The following MACROD2 variants were observed in gnomAD, a reference collection of about 807,000 sequenced individuals.
MACROD2 encodes ADP-ribose glycohydrolase MACROD2.
MACROD2 carries 36 observed loss-of-function variants against 70.4 expected under a neutral mutation model. The ratio of observed to expected loss-of-function variants is 0.51; its 90% CI spans 0.39 to 0.68. MACROD2 has a LOEUF of 0.68. Ranked by LOEUF, MACROD2 falls within the 30% of genes least tolerant of loss-of-function variation. The pLI, the probability that MACROD2 is intolerant of heterozygous loss-of-function variation, is 0.00. For missense variants in MACROD2, 496 were observed against 538.4 expected (o/e 0.92, Z 0.78); for synonymous variants, 172 against 178.8 (o/e 0.96, Z 0.30).
chr20:14,459,215 T>C (rs1015717309), intron 3 of MACROD2, among the ~76,000 whole-genome samples: 2 of 151,950 alleles, frequency 1.3e-5, no homozygotes, highest in African/African-American at 2.4e-5. Flanking sequence ...TTGATGTGAT[T>C]ACTTAGGGGC....
intron 4 of MACROD2, among the ~76,000 whole-genome samples, chr20:14,554,792 A>C (rs1386349148): frequency 6.6e-6 from 1 of 152,130 alleles, no homozygotes; most frequent in African/African-American, 2.4e-5. Flanking sequence ...AAAGTTCTTA[A>C]CATTTGTCCC....
intron 4 of MACROD2, among the ~76,000 whole-genome samples, chr20:14,506,912 C>T (rs543837142): frequency 2.0e-5 from 3 of 152,206 alleles, no homozygotes; most frequent in African/African-American, 4.8e-5. Flanking sequence ...GATCACGCCA[C>T]GGCACTCCAG....
intron 8 of MACROD2, among the ~76,000 whole-genome samples, chr20:15,648,450 C>A (rs1490418516): frequency 6.6e-6 from 1 of 152,158 alleles, no homozygotes; most frequent in African/African-American, 2.4e-5. Flanking sequence ...ATCTCTGTGG[C>A]AATGTCCATT....
intron 6 of MACROD2, among the ~76,000 whole-genome samples, chr20:15,231,263 A>G (rs1170524255): frequency 5.3e-5 from 8 of 152,086 alleles, no homozygotes; most frequent in Admixed American, 5.2e-4. Context: ...AAATGGCTCA[A>G]TACATAAGAT....
chr20:15,664,352 A>G (rs1600728601), intron 8 of MACROD2, among the ~76,000 whole-genome samples: 1 of 152,250 alleles, frequency 6.6e-6, no homozygotes, highest in East Asian at 1.9e-4. Context: ...GAGTACATAT[A>G]TTTTCTTTAA....
intron 5 of MACROD2, among the ~76,000 whole-genome samples, chr20:14,727,290 G>A (rs928778783): frequency 2.0e-5 from 3 of 152,102 alleles, no homozygotes; most frequent in African/African-American, 7.2e-5. Flanking sequence ...CAGCACTTTG[G>A]GAGGCTGAGG....
At chr20:14,783,124 A>G (rs950555326) in intron 5 of MACROD2, among the ~76,000 whole-genome samples, 9 of 152,218 alleles carry the variant, frequency 5.9e-5, no homozygotes, top group African/African-American at 2.2e-4. Context: ...CTACTTTTCC[A>G]TGTGCGTTTG....
At chr20:15,818,381 C>T (rs753729967) in intron 8 of MACROD2, among the ~76,000 whole-genome samples, 5 of 152,168 alleles carry the variant, frequency 3.3e-5, no homozygotes, top group Non-Finnish European at 7.3e-5. Context: ...GTTCCTCCCC[C>T]TTTTAGACCA....
intron 5 of MACROD2, among the ~76,000 whole-genome samples, chr20:14,702,373 C>T (rs1238063465): frequency 1.3e-5 from 2 of 151,406 alleles, no homozygotes; most frequent in East Asian, 3.9e-4. Context: ...GAGCAACCCA[C>T]TCTTAAGAGC....
At chr20:14,198,177 A>AGAGG (rs2081449146) in intron 3 of MACROD2, among the ~76,000 whole-genome samples, 1 of 151,836 alleles carries the variant, frequency 6.6e-6, no homozygotes, top group South Asian at 2.1e-4. Context: ...AGAGAAGGTA[A>AGAGG]GAGGGAGAGA....
chr20:14,965,873 G>C (rs1225658574), intron 5 of MACROD2, among the ~76,000 whole-genome samples: 1 of 152,054 alleles, frequency 6.6e-6, no homozygotes, highest in Non-Finnish European at 1.5e-5. Context: ...ACAGTAACTG[G>C]AAGCATGGCT....
At chr20:15,146,927 G>T (rs901201559) in intron 5 of MACROD2, among the ~76,000 whole-genome samples, 2 of 152,136 alleles carry the variant, frequency 1.3e-5, no homozygotes, top group African/African-American at 4.8e-5. Context: ...ATTCTGATTT[G>T]CAGCCTTACT....
chr20:15,900,422 C>T (rs2065047099), intron 10 of MACROD2, among the ~76,000 whole-genome samples: 1 of 152,124 alleles, frequency 6.6e-6, no homozygotes, highest in African/African-American at 2.4e-5. Context: ...CTGCTTGATT[C>T]CAGGCCATTC....
At chr20:14,054,880 CT>C (rs1319125381) in intron 2 of MACROD2, among the ~76,000 whole-genome samples, 1 of 152,060 alleles carries the variant, frequency 6.6e-6, no homozygotes, top group Non-Finnish European at 1.5e-5. Context: ...CTGTCTTTGC[CT>C]TTCATTTAAA....
intron 5 of MACROD2, among the ~76,000 whole-genome samples, chr20:14,937,620 C>T (rs116954589): frequency 1.3e-5 from 2 of 151,940 alleles, no homozygotes; most frequent in Non-Finnish European, 2.9e-5. Flanking sequence ...TTGTAAAGAA[C>T]AAATCAGTGT....
At chr20:14,968,066 G>T (rs2074654967) in intron 5 of MACROD2, among the ~76,000 whole-genome samples, 1 of 152,100 alleles carries the variant, frequency 6.6e-6, no homozygotes, top group Non-Finnish European at 1.5e-5. Context: ...GGCTGGACAG[G>T]TAAGGTGTTT....
At chr20:14,297,040 A>G (rs187572292) in intron 3 of MACROD2, among the ~76,000 whole-genome samples, 38 of 151,872 alleles carry the variant, frequency 2.5e-4, no homozygotes, top group African/African-American at 8.5e-4. Context: ...ATCTGTGGTT[A>G]GTGATCTTTA....
chr20:15,616,003 A>G (rs2049032204), intron 8 of MACROD2, among the ~76,000 whole-genome samples: 2 of 152,134 alleles, frequency 1.3e-5, no homozygotes, highest in Admixed American at 6.5e-5. Context: ...CCAAAGTGGA[A>G]AGCTGGTATT....
intron 2 of MACROD2, among the ~76,000 whole-genome samples, chr20:14,059,311 C>T (rs1286199136): frequency 1.3e-5 from 2 of 152,130 alleles, no homozygotes; most frequent in Non-Finnish European, 2.9e-5. Context: ...AACATATTTA[C>T]AATCATTATT....
Sources: gnomAD v4.1 joint callset for allele counts (sites outside exome capture counted in the v4.1 genomes callset) on GRCh38, gnomAD v4.1.1 for gene constraint, MANE v1.5 for transcripts, NCBI Gene and HGNC (gene_info 2026-07-23, HGNC 2026-07-21) for gene names.